ARHGEF37: variants seen among roughly 807,000 people sequenced by gnomAD.
ARHGEF37 encodes Rho guanine nucleotide exchange factor (GEF) 37.
A neutral mutation model predicts 71.1 loss-of-function variants in ARHGEF37; 55 were observed. That is an observed-to-expected ratio of 0.77 (90% confidence interval 0.62 to 0.97). ARHGEF37 has a LOEUF of 0.97. ARHGEF37 is among the 50% of genes least tolerant of loss of function. ARHGEF37 has a pLI of 0.00. For missense variants in ARHGEF37, 765 were observed against 836.8 expected (o/e 0.91, Z 1.06); for synonymous variants, 327 against 350.6 (o/e 0.93, Z 0.75).
intron 3 of ARHGEF37, 100 bp downstream of exon 3, chr5:149,601,331 C>A: frequency 1.4e-6 from 2 of 1,403,884 alleles, no homozygotes; most frequent in Non-Finnish European, 9.6e-7. Flanking sequence ...CAGAGAAATG[C>A]AGCTCAACGG....
chr5:149,556,046 T>G lies in ARHGEF37; in HGVS notation c.-12+3923T>G, dbSNP rs1408911541. Among the ~76,000 whole-genome samples, 3 of 152,122 alleles carry G rather than the reference T, an allele frequency of 2.0e-5. No individual in the cohort carries two copies. In the East Asian group the frequency reaches 5.8e-4, roughly 29 times the overall value. ...CGGTCACTGGTATCCAGAATGTGCT[T>G]TGAGTGAAATGATAGAGACAAGCAC... On this transcript the variant is annotated intron_variant, in intron 1 of 2. Transcript: ENST00000505810.
chr5:149,602,713 C>T (rs543721168), intron 3 of ARHGEF37, among the ~76,000 whole-genome samples: 1 of 152,182 alleles, frequency 6.6e-6, no homozygotes, highest in Non-Finnish European at 1.5e-5. Flanking sequence ...TGTCTCATCC[C>T]ATCTGCTGCC....
chr5:149,609,645 G>T lies in ARHGEF37; in HGVS notation c.408G>T (p.Arg136=), dbSNP rs1383989169. 6.2e-7 allele frequency: 1 copy of T among 1,612,954 alleles called. No individual in the cohort carries two copies. Among genetic ancestry groups the T allele is most frequent in the African/African-American group, 1.3e-5 (1 of 75,026 alleles). Reference sequence around the variant, plus strand: ...CCTTGCTACTGGTGGACACGTACCGGAAGGAGCCGGAGCTGCAGCGGCACA... The same window carrying T: ...CCTTGCTACTGGTGGACACGTACCGTAAGGAGCCGGAGCTGCAGCGGCACA... ...DQALLLVDTY[R]KEPELQRHIQ... The change falls in exon 4 of 13, where the codon CGG becomes CGT. Residue 136 remains arginine (R), a synonymous_variant. Coordinates refer to ENST00000333677, the MANE Select transcript of ARHGEF37 (RefSeq NM_001001669.3).
chr5:149,558,839 T>A (rs555139093), intron 1 of ARHGEF37, among the ~76,000 whole-genome samples: 1 of 151,902 alleles, frequency 6.6e-6, no homozygotes, highest in Non-Finnish European at 1.5e-5. Flanking sequence ...AAAACAAAAA[T>A]CTCTTAGAGG....
chr5:149,604,707 GA>G (rs1453083930), intron 3 of ARHGEF37, among the ~76,000 whole-genome samples: 37,906 of 111,028 alleles, frequency 0.34, 6,114 homozygotes, highest in Admixed American at 0.51. Flanking sequence ...TTTTGAGACA[GA>G]ATCTCTCTCT....
intron 11 of ARHGEF37, 67 bp from the exon 12 acceptor site, chr5:149,628,741 AT>A: frequency 6.6e-7 from 1 of 1,510,926 alleles, no homozygotes; most frequent in Non-Finnish European, 8.9e-7. Context: ...ATATCCATGG[AT>A]TTTCTCCCTC....
At chr5:149,565,568 C>T (rs553166592) in intron 1 of ARHGEF37, among the ~76,000 whole-genome samples, 9 of 152,222 alleles carry the variant, frequency 5.9e-5, no homozygotes, top group African/African-American at 2.2e-4. Context: ...TTTAGGTGGC[C>T]ACCAGCAATG....
In ARHGEF37 at chr5:149,607,693, G is replaced by C. The variant is rs1226220920; in HGVS notation, c.311-1855G>C. Among the ~76,000 whole-genome samples, 3 of 151,762 alleles carry C rather than the reference G, an allele frequency of 2.0e-5. No homozygotes were observed. In the East Asian group the frequency reaches 5.8e-4, roughly 29 times the overall value. ...CGGTGGAGTTAAGAGCAATGTTTTG[G>C]GGGCAGGGGGTGGATCTCACAAAGT... is the stretch of plus-strand genomic sequence containing the variant. On this transcript the variant is annotated intron_variant, in intron 3 of 12. Transcript: ENST00000333677.
intron 2 of ARHGEF37, among the ~76,000 whole-genome samples, chr5:149,600,748 G>A (rs928128010): frequency 4.0e-4 from 60 of 151,054 alleles, no homozygotes; most frequent in Middle Eastern, 3.4e-3. Context: ...TCAAGCAATT[G>A]TCTACCTCAG....
chr5:149,579,770 C>T (rs150806348), upstream of ARHGEF37, among the ~76,000 whole-genome samples: 782 of 150,928 alleles, frequency 5.2e-3, 21 homozygotes, highest in East Asian at 0.082. Context: ...TTAGTAGAGA[C>T]GGGGTTTCAA....
intron 1 of ARHGEF37, among the ~76,000 whole-genome samples, chr5:149,587,513 C>T (rs1215519310): frequency 6.6e-6 from 1 of 152,100 alleles, no homozygotes; most frequent in African/African-American, 2.4e-5. Flanking sequence ...CTAGGAAAGC[C>T]AGCTAATGGA....
chr5:149,582,248 C>T lies in ARHGEF37; in HGVS notation c.-12+624C>T, dbSNP rs753630269. On this transcript the variant is annotated intron_variant, in intron 1 of 12. Transcript: ENST00000333677. ...CTGACCCCTTAGAGATCTGTGTCCA[C>T]TCCCAGCAGAAGGGTTCACACAAAG... Among the ~76,000 whole-genome samples, 45 of 152,244 alleles carry T rather than the reference C, an allele frequency of 3.0e-4. 1 individual carries two copies. The highest frequency in any genetic ancestry group is 6.2e-4 in the Non-Finnish European group (42 of 68,044).
chr5:149,597,847 A>G lies in ARHGEF37; in HGVS notation c.78A>G (p.Arg26=). The G allele has an allele frequency of 4.3e-6, 7 of 1,610,366 alleles. No individual in the cohort carries two copies. In the South Asian group the frequency reaches 7.8e-5, roughly 18 times the overall value. Residue 26 remains arginine, a synonymous_variant, in exon 2 of 13, where the codon AGA becomes AGG. Coordinates refer to ENST00000333677, the MANE Select transcript of ARHGEF37 (RefSeq NM_001001669.3). ...PDREGRASED[R]SLLHQRLAVR... Reference sequence around the variant, plus strand: ...GGGAAGGTAGGGCCTCTGAGGACAGATCGCTGCTTCATCAGAGGCTGGCTG... The same window carrying G: ...GGGAAGGTAGGGCCTCTGAGGACAGGTCGCTGCTTCATCAGAGGCTGGCTG...
intron 1 of ARHGEF37, among the ~76,000 whole-genome samples, chr5:149,553,418 TAATC>T (rs1172741577): frequency 6.6e-6 from 1 of 151,572 alleles, no homozygotes; most frequent in Non-Finnish European, 1.5e-5. Flanking sequence ...ATTAATTAAT[TAATC>T]AATTCTGGTC....
chr5:149,613,715 T>C (rs114169194), intron 4 of ARHGEF37, among the ~76,000 whole-genome samples: 2,395 of 151,994 alleles, frequency 0.016, 69 homozygotes, highest in African/African-American at 0.055. Context: ...ACCATAGTAA[T>C]GAATATCTTT....
At chr5:149,562,487 C>T (rs1762844926) in intron 1 of ARHGEF37, among the ~76,000 whole-genome samples, 1 of 152,028 alleles carries the variant, frequency 6.6e-6, no homozygotes, top group African/African-American at 2.4e-5. Flanking sequence ...CTCGCTCTGT[C>T]GCCCAGGCTG....
chr5:149,564,324 TTAGA>T (rs1211323390), intron 1 of ARHGEF37, among the ~76,000 whole-genome samples: 1 of 152,186 alleles, frequency 6.6e-6, no homozygotes, highest in East Asian at 1.9e-4. Flanking sequence ...GTTTTAAATT[TTAGA>T]TAGGGCAACT....
At chr5:149,622,499 G>T (rs1752575768) in intron 9 of ARHGEF37, among the ~76,000 whole-genome samples, 1 of 152,194 alleles carries the variant, frequency 6.6e-6, no homozygotes, top group Non-Finnish European at 1.5e-5. Flanking sequence ...CCTGTTTGGA[G>T]CACTCTCCAT....
chr5:149,583,812 G>C (rs1351938873), intron 1 of ARHGEF37, among the ~76,000 whole-genome samples: 1 of 152,144 alleles, frequency 6.6e-6, no homozygotes, highest in African/African-American at 2.4e-5. Context: ...CCCAGGCTGA[G>C]TGCAGTGATG....
Sources: allele counts gnomAD v4.1 joint callset (sites outside exome capture counted in the v4.1 genomes callset), GRCh38; gene constraint gnomAD v4.1.1; transcripts MANE v1.5; gene names NCBI Gene and HGNC (gene_info 2026-07-23, HGNC 2026-07-21).